The following CNTNAP2 variants were observed in gnomAD, a reference collection of about 807,000 sequenced individuals.
CNTNAP2 encodes contactin associated protein 2, also known as contactin-associated protein-like 2.
A neutral mutation model predicts 155.2 loss-of-function variants in CNTNAP2; 98 were observed. That is an observed-to-expected ratio of 0.63 (90% CI 0.54 to 0.75). The LOEUF is 0.75. Ranked by LOEUF, CNTNAP2 falls within the 30% of genes least tolerant of loss-of-function variation. The pLI, the probability that CNTNAP2 is intolerant of heterozygous loss-of-function variation, is 0.00. For missense variants in CNTNAP2, 1,727 were observed against 1,688.1 expected (o/e 1.02, Z -0.40); for synonymous variants, 651 against 631.2 (o/e 1.03, Z -0.47).
At chr7:146,118,134 G>A (rs1344607464) in intron 1 of CNTNAP2, among the ~76,000 whole-genome samples, 2 of 152,048 alleles carry the variant, frequency 1.3e-5, no homozygotes, top group African/African-American at 2.4e-5. Flanking sequence ...CATTGAAAAA[G>A]GACATTATAA....
chr7:146,284,194 AAC>A (rs1170770670), intron 1 of CNTNAP2, among the ~76,000 whole-genome samples: 5 of 152,308 alleles, frequency 3.3e-5, no homozygotes, highest in African/African-American at 7.2e-5. Flanking sequence ...TATTTTTCAA[AAC>A]ACACATTTTG....
chr7:146,555,453 C>T lies in CNTNAP2; in HGVS notation c.98-218818C>T, dbSNP rs193302829. 3.7e-3 allele frequency among the ~76,000 whole-genome samples: 560 copies of T among 151,908 alleles called. 2 individuals carry two copies. Among genetic ancestry groups the T allele is most frequent in the Middle Eastern group, 6.8e-3 (2 of 294 alleles). ...CTAATCTTCTATCTCATCTATTTAT[C>T]GATTTATCCATCTATATGTAATCTA... On this transcript the variant is annotated intron_variant, in intron 1 of 23. Coordinates refer to ENST00000361727, the MANE Select transcript of CNTNAP2 (RefSeq NM_014141.6).
intron 1 of CNTNAP2, among the ~76,000 whole-genome samples, chr7:146,535,401 T>C (rs1055185612): frequency 2.1e-5 from 1 of 48,068 alleles, no homozygotes; most frequent in Non-Finnish European, 3.3e-5. Context: ...ATATATATAT[T>C]ATATATGATA....
In CNTNAP2 at chr7:147,903,709, A is replaced by G. The variant is rs964887613; in HGVS notation, c.2243A>G (p.Asp748Gly). The part of the protein sequence containing the change: ...DPKYYCNCDA[D>G]YKQWRKDAGF... ...AAGTACTACTGTAACTGCGACGCGG[A>G]CTACAAGCAATGGTGAGTGCCTGCG... Residue 748 changes from aspartate (D) to glycine (G), a missense_variant, in exon 14 of 24, where the codon GAC becomes GGC. Coordinates refer to ENST00000361727, the MANE Select transcript of CNTNAP2 (RefSeq NM_014141.6). The G allele has an allele frequency of 3.1e-6, 5 of 1,613,738 alleles. No individual in the cohort carries two copies. The highest frequency in any genetic ancestry group is 3.3e-4 in the Middle Eastern group (2 of 6,060).
chr7:148,251,275 C>A (rs965354665), intron 20 of CNTNAP2, among the ~76,000 whole-genome samples: 6 of 152,190 alleles, frequency 3.9e-5, no homozygotes, highest in Admixed American at 3.9e-4. Flanking sequence ...CGGGAAAGCA[C>A]TATACTTATG....
At chr7:147,163,972 C>T (rs1802075097) in intron 8 of CNTNAP2, among the ~76,000 whole-genome samples, 1 of 152,124 alleles carries the variant, frequency 6.6e-6, no homozygotes. Context: ...AAAATCTGTT[C>T]TACCATAAAT....
chr7:147,937,741 C>G (rs144664178), intron 14 of CNTNAP2, among the ~76,000 whole-genome samples: 69 of 152,288 alleles, frequency 4.5e-4, no homozygotes, highest in African/African-American at 1.6e-3. Context: ...AAAAAGCAAT[C>G]TTTCTCTCAT....
intron 2 of CNTNAP2, among the ~76,000 whole-genome samples, chr7:146,824,210 A>G (rs915022307): frequency 1.3e-5 from 2 of 152,202 alleles, no homozygotes; most frequent in Non-Finnish European, 1.5e-5. Context: ...TGCAAAGGAC[A>G]TGAACTCATT....
chr7:147,558,018 G>A (rs1015594663), intron 11 of CNTNAP2, among the ~76,000 whole-genome samples: 1 of 151,972 alleles, frequency 6.6e-6, no homozygotes, highest in Non-Finnish European at 1.5e-5. Flanking sequence ...AGCTATTCTT[G>A]TCATTTTACT....
intron 8 of CNTNAP2, among the ~76,000 whole-genome samples, chr7:147,242,015 G>A (rs921365289): frequency 2.6e-5 from 4 of 151,972 alleles, no homozygotes; most frequent in East Asian, 1.9e-4. Flanking sequence ...TTATTTCTTC[G>A]CACCATGCAA....
chr7:147,406,568 A>T (rs1248658221), intron 10 of CNTNAP2, among the ~76,000 whole-genome samples: 1 of 152,220 alleles, frequency 6.6e-6, no homozygotes, highest in Non-Finnish European at 1.5e-5. Context: ...TTCAGATAGC[A>T]TTGTCTAAAA....
intron 8 of CNTNAP2, among the ~76,000 whole-genome samples, chr7:147,245,520 G>C (rs558865267): frequency 8.6e-5 from 13 of 151,910 alleles, no homozygotes; most frequent in Non-Finnish European, 1.3e-4. Flanking sequence ...TGCTTTCATT[G>C]ATCTAGATCT....
At chr7:147,229,682 T>C (rs1305853890) in intron 8 of CNTNAP2, among the ~76,000 whole-genome samples, 1 of 152,206 alleles carries the variant, frequency 6.6e-6, no homozygotes, top group Non-Finnish European at 1.5e-5. Flanking sequence ...ATATTCTCAG[T>C]CACCATTGCA....
At chr7:147,524,108 A>G (rs956398720) in intron 11 of CNTNAP2, among the ~76,000 whole-genome samples, 6 of 152,230 alleles carry the variant, frequency 3.9e-5, no homozygotes, top group Admixed American at 2.0e-4. Context: ...AACTGCACAC[A>G]TGGTAGCTTT....
intron 1 of CNTNAP2, among the ~76,000 whole-genome samples, chr7:146,358,071 C>G (rs9655579): frequency 0.48 from 72,809 of 151,560 alleles, 20,267 homozygotes; most frequent in African/African-American, 0.77. Flanking sequence ...GCCTCGCTCG[C>G]TTGCCCAGGC....
chr7:146,730,720 G>C (rs949517949), intron 1 of CNTNAP2, among the ~76,000 whole-genome samples: 24 of 152,212 alleles, frequency 1.6e-4, no homozygotes, highest in African/African-American at 5.3e-4. Flanking sequence ...TCAGTGAATA[G>C]AACTCCTACT....
chr7:147,505,873 A>T (rs1366531880), intron 11 of CNTNAP2, among the ~76,000 whole-genome samples: 1 of 152,198 alleles, frequency 6.6e-6, no homozygotes, highest in Non-Finnish European at 1.5e-5. Context: ...GATCTTTTCC[A>T]GGTGCAGAAA....
chr7:148,067,801 C>G (rs1263934564), intron 15 of CNTNAP2, among the ~76,000 whole-genome samples: 3 of 152,186 alleles, frequency 2.0e-5, no homozygotes, highest in Non-Finnish European at 4.4e-5. Flanking sequence ...CTGAGCTCAG[C>G]CTCCCCTTGG....
intron 3 of CNTNAP2, among the ~76,000 whole-genome samples, chr7:146,935,810 G>C (rs546862881): frequency 1.3e-5 from 2 of 152,242 alleles, no homozygotes; most frequent in East Asian, 1.9e-4. Context: ...TTAATCAAGC[G>C]AGTAAACTCT....
Sources: allele counts gnomAD v4.1 joint callset (sites outside exome capture counted in the v4.1 genomes callset), GRCh38; gene constraint gnomAD v4.1.1; transcripts MANE v1.5; gene names NCBI Gene and HGNC (gene_info 2026-07-23, HGNC 2026-07-21).